Variants in PDE1C observed in about 807,000 individuals in gnomAD.
The protein encoded by PDE1C is dual specificity calcium/calmodulin-dependent 3',5'-cyclic nucleotide phosphodiesterase 1C.
Under a neutral mutation model 93.1 loss-of-function variants are expected in PDE1C, and 62 were observed. That is an observed-to-expected ratio of 0.67 (90% confidence interval 0.54 to 0.82). The LOEUF (loss-of-function observed/expected upper bound fraction) is 0.82, where lower values mean the gene tolerates loss of function less well. Among genes scored for constraint, PDE1C ranks in the 40% least tolerant of loss-of-function variants. PDE1C has a pLI of 0.00. For synonymous variants in PDE1C, 325 were observed against 310.1 expected, an observed-to-expected ratio of 1.05 and a Z score of -0.50; for missense variants, 742 against 884.6, an observed-to-expected ratio of 0.84 and a Z score of 2.04.
chr7:32,039,614 A>G (rs1006960958), intron 2 of PDE1C, among the ~76,000 whole-genome samples: 3 of 152,200 alleles, frequency 2.0e-5, no homozygotes, highest in Non-Finnish European at 4.4e-5. Flanking sequence ...GTGACTCCAC[A>G]TTCAGCCATG....
intron 1 of PDE1C, among the ~76,000 whole-genome samples, chr7:32,312,145 C>T (rs1783060347): frequency 6.6e-6 from 1 of 152,034 alleles, no homozygotes; most frequent in Non-Finnish European, 1.5e-5. Flanking sequence ...TGAGTGAACT[C>T]CCATTTACAA....
chr7:32,158,550 G>A (rs528305840), intron 3 of PDE1C, among the ~76,000 whole-genome samples: 1 of 152,278 alleles, frequency 6.6e-6, no homozygotes, highest in East Asian at 1.9e-4. Flanking sequence ...TTCCAACCAT[G>A]TGGGAAAGCA....
intron 1 of PDE1C, among the ~76,000 whole-genome samples, chr7:32,211,838 A>C (rs1352118597): frequency 6.6e-6 from 1 of 151,862 alleles, no homozygotes; most frequent in African/African-American, 2.4e-5. Flanking sequence ...CCTGGGCAAC[A>C]TAGTGAGACC....
rs574682276 is a variant in PDE1C, at chr7:32,263,008, T to A, written c.85+35643A>T. The stretch of plus-strand genomic sequence containing the variant: ...GAATTATAATTAATGAATTTAGATA[T>A]CAAATGTGATTACCAGAGTCCAGTT... On this transcript the variant is annotated intron_variant, in intron 1 of 18. Coordinates refer to the PDE1C transcript ENST00000396193. Among the ~76,000 whole-genome samples, 3 of 152,280 alleles carry A rather than the reference T, an allele frequency of 2.0e-5. No homozygotes were observed. In the East Asian group the frequency reaches 5.8e-4, roughly 29 times the overall value.
intron 3 of PDE1C, among the ~76,000 whole-genome samples, chr7:32,118,105 C>T (rs1799086143): frequency 1.3e-5 from 2 of 152,132 alleles, no homozygotes; most frequent in Non-Finnish European, 2.9e-5. Flanking sequence ...CATGCGAGTG[C>T]TTTGGGGAAA....
intron 3 of PDE1C, among the ~76,000 whole-genome samples, chr7:32,090,165 T>C (rs2392016): frequency 6.6e-6 from 1 of 151,812 alleles, no homozygotes; most frequent in Non-Finnish European, 1.5e-5. Flanking sequence ...CCAGCAGCCT[T>C]ACTGTTAATA....
At chr7:31,623,632 A>G in the PDE1C span, among the ~76,000 whole-genome samples, 17,744 of 137,076 alleles carry the variant, frequency 0.13, 1,525 homozygotes, top group Middle Eastern at 0.18. Flanking sequence ...TCTATGACAA[A>G]CCCACAGCCA....
At chr7:32,137,795 T>A (rs1800293971) in intron 3 of PDE1C, among the ~76,000 whole-genome samples, 1 of 152,094 alleles carries the variant, frequency 6.6e-6, no homozygotes, top group African/African-American at 2.4e-5. Context: ...CAATTCCCCA[T>A]CCCCTCCTCC....
At chr7:31,627,342 A>G in the PDE1C span, among the ~76,000 whole-genome samples, 1 of 152,184 alleles carries the variant, frequency 6.6e-6, no homozygotes, top group South Asian at 2.1e-4. Flanking sequence ...ATCATGGAAG[A>G]TATTCTTTAG....
chr7:32,118,112 G>A (rs1212635524), intron 3 of PDE1C, among the ~76,000 whole-genome samples: 2 of 152,178 alleles, frequency 1.3e-5, no homozygotes, highest in South Asian at 4.1e-4. Flanking sequence ...GTGCTTTGGG[G>A]AAAAAGGGCT....
intron 1 of PDE1C, among the ~76,000 whole-genome samples, chr7:32,257,295 G>A (rs887442772): frequency 3.0e-4 from 45 of 152,288 alleles, no homozygotes; most frequent in Admixed American, 2.5e-3. Flanking sequence ...GGCTTCCTGC[G>A]TCAGGTTCAT....
the PDE1C span, among the ~76,000 whole-genome samples, chr7:31,634,422 C>A: frequency 2.0e-5 from 3 of 151,980 alleles, no homozygotes; most frequent in Non-Finnish European, 4.4e-5. Context: ...GGATATTATC[C>A]TTATTGCAAC....
chr7:31,743,575 GCA>G, the PDE1C span, among the ~76,000 whole-genome samples: 9,901 of 147,672 alleles, frequency 0.067, 323 homozygotes, highest in Middle Eastern at 0.11. Context: ...GTGTGTGTGC[GCA>G]CACACACACA....
chr7:31,992,993 T>C (rs1321764272), intron 2 of PDE1C, among the ~76,000 whole-genome samples: 1 of 152,160 alleles, frequency 6.6e-6, no homozygotes, highest in Non-Finnish European at 1.5e-5. Flanking sequence ...CTACTTGGGG[T>C]ATTGTCTAGA....
chr7:31,860,975 T>G (rs980941432), intron 7 of PDE1C, among the ~76,000 whole-genome samples: 2 of 152,190 alleles, frequency 1.3e-5, no homozygotes, highest in African/African-American at 4.8e-5. Context: ...CCCTATTAAG[T>G]TGTCTATAGT....
intron 1 of PDE1C, among the ~76,000 whole-genome samples, chr7:32,266,908 G>A (rs144998275): frequency 0.026 from 3,924 of 151,124 alleles, 70 homozygotes; most frequent in Non-Finnish European, 0.043. Context: ...TGGCGGGGGC[G>A]GGGTGGGGGG....
chr7:32,271,044 T>A (rs759370835), intron 1 of PDE1C, among the ~76,000 whole-genome samples: 2 of 151,916 alleles, frequency 1.3e-5, no homozygotes, highest in Non-Finnish European at 2.9e-5. Flanking sequence ...AGGCTGAGGC[T>A]GGAGAATCAC....
At chr7:32,058,922 A>G (rs747441054) in intron 1 of PDE1C, among the ~76,000 whole-genome samples, 1 of 152,144 alleles carries the variant, frequency 6.6e-6, no homozygotes, top group Non-Finnish European at 1.5e-5. Context: ...GCCTGGCCAA[A>G]AGTCCAAAGC....
chr7:32,350,586 ATATATTT>A (rs1308563821), intron 1 of PDE1C, among the ~76,000 whole-genome samples: 4 of 380 alleles, frequency 0.011, no homozygotes, highest in African/African-American at 0.013. Context: ...ATATATATAT[ATATATTT>A]TTTTTTTTTT....
Sources: allele counts gnomAD v4.1 joint callset (sites outside exome capture counted in the v4.1 genomes callset), GRCh38; gene constraint gnomAD v4.1.1; transcripts MANE v1.5; gene names NCBI Gene and HGNC (gene_info 2026-07-23, HGNC 2026-07-21).